TES: variants seen among roughly 807,000 people sequenced by gnomAD.
TES encodes testin LIM domain protein, also known as testin.
A neutral mutation model predicts 48.2 loss-of-function variants in TES; 41 were observed. The ratio of observed to expected loss-of-function variants is 0.85; its 90% CI spans 0.66 to 1.10. The LOEUF (loss-of-function observed/expected upper bound fraction) is 1.10. TES is among the 50% of genes least tolerant of loss of function. The pLI, the probability that TES is intolerant of heterozygous loss-of-function variation, is 0.00. For synonymous variants in TES, 162 were observed against 174.9 expected, an observed-to-expected ratio of 0.93 and a Z score of 0.58; for missense variants, 463 against 515.1, an observed-to-expected ratio of 0.90 and a Z score of 0.98.
chr7:116,213,122 C>T (rs1799458053), intron 1 of TES, among the ~76,000 whole-genome samples: 1 of 152,188 alleles, frequency 6.6e-6, no homozygotes, highest in Admixed American at 6.5e-5. Flanking sequence ...TAGCCATACT[C>T]TCAAAAAGAA....
chr7:116,215,575 C>T (rs532822001), intron 1 of TES, among the ~76,000 whole-genome samples: 8 of 152,162 alleles, frequency 5.3e-5, no homozygotes, highest in Non-Finnish European at 1.2e-4. Context: ...ATATTCTGTA[C>T]CTTATCTTCT....
chr7:116,235,469 G>A (rs1038226494), intron 2 of TES, among the ~76,000 whole-genome samples: 1 of 152,178 alleles, frequency 6.6e-6, no homozygotes, highest in South Asian at 2.1e-4. Flanking sequence ...ATTAATTGTA[G>A]TGTCTTGGTT....
At chr7:116,225,811 A>T (rs1470385157) in intron 1 of TES, among the ~76,000 whole-genome samples, 1 of 152,192 alleles carries the variant, frequency 6.6e-6, no homozygotes, top group Non-Finnish European at 1.5e-5. Flanking sequence ...ATTCCATTAC[A>T]TTCTATTTTT....
At chr7:116,253,756 G>A (rs1048381523) in intron 6 of TES, among the ~76,000 whole-genome samples, 4 of 151,924 alleles carry the variant, frequency 2.6e-5, no homozygotes, top group African/African-American at 9.7e-5. Context: ...ATTCAGTTTA[G>A]GTTTAACTTT....
Position 116,230,456 on chromosome 7 carries a change from G to A in TES, c.28-4078G>A, listed in dbSNP as rs115398962. On this transcript the variant is annotated intron_variant, in intron 1 of 6. Transcript: ENST00000358204. The stretch of plus-strand genomic sequence containing the variant: ...CAATACTTTCTGGGTTTTCCAGAGC[G>A]GCCTACAGAGCCAATTTCTCAAGTT... Among the ~76,000 whole-genome samples, 395 of 152,296 alleles carry A rather than the reference G, an allele frequency of 2.6e-3. 2 individuals are homozygous for A. The highest frequency in any genetic ancestry group is 9.0e-3 in the African/African-American group (374 of 41,574).
At chr7:116,252,060 C>G in intron 5 of TES, 85 bp downstream of exon 5, 1 of 1,361,088 alleles carries the variant, frequency 7.3e-7, no homozygotes, top group Non-Finnish European at 1.0e-6. Context: ...AAGACTTGAC[C>G]AAACAGCAGT....
Position 116,250,511 on chromosome 7 carries a change from C to A in TES, c.702+15C>A. On this transcript the variant is annotated intron_variant, in intron 4 of 6. Transcript: ENST00000358204. ...GAACTCAATATGTAAGTAGAGTGGTCACACTGTTAGCCTGATTTGTATACT... is the reference window on the plus strand; with the variant it reads ...GAACTCAATATGTAAGTAGAGTGGTAACACTGTTAGCCTGATTTGTATACT... 1 of 1,497,962 alleles carries A rather than the reference C, an allele frequency of 6.7e-7. No individual in the cohort carries two copies. Among genetic ancestry groups the A allele is most frequent in the South Asian group, 1.4e-5 (1 of 70,928 alleles). The allele number at this position is 1,497,962 out of a possible 1,614,324, so 92.8% of individuals were successfully genotyped here.
At position 116,250,443 on chromosome 7, in the gene TES, G is replaced by T. The variant is rs757346397; in HGVS notation, c.649G>T (p.Ala217Ser). ...NIPGGDRSTP[A>S]AVGAMEDKSA... ...TCCTGGAGGGGATAGAAGCACCCCA[G>T]CAGCAGTGGGGGCCATGGAGGACAA... The change falls in exon 4 of 7, where the codon GCA becomes TCA. Residue 217 changes from alanine (A) to serine (S), a missense_variant. Ala to Ser is a moderately conservative substitution (Grantham distance 99). Transcript: ENST00000358204. The T allele has an allele frequency of 1.9e-6, 3 of 1,597,554 alleles. No individual in the cohort carries two copies. The highest frequency in any genetic ancestry group is 2.7e-5 in the African/African-American group (2 of 74,530).
At chr7:116,229,947 A>C (rs1246443234) in intron 1 of TES, among the ~76,000 whole-genome samples, 1 of 152,176 alleles carries the variant, frequency 6.6e-6, no homozygotes, top group Non-Finnish European at 1.5e-5. Context: ...TCACCCAATA[A>C]TGTGGCATAA....
chr7:116,224,985 C>G (rs1023877547), intron 1 of TES, among the ~76,000 whole-genome samples: 1 of 151,980 alleles, frequency 6.6e-6, no homozygotes, highest in Non-Finnish European at 1.5e-5. Context: ...TTAATTTCTC[C>G]AAGTCTCAAT....
chr7:116,213,339 A>G (rs988535761), intron 1 of TES, among the ~76,000 whole-genome samples: 17 of 152,242 alleles, frequency 1.1e-4, no homozygotes, highest in Non-Finnish European at 1.5e-5. Flanking sequence ...AGATACAACC[A>G]TTTAAATACA....
chr7:116,224,297 A>C (rs182848990), intron 1 of TES, among the ~76,000 whole-genome samples: 19 of 152,318 alleles, frequency 1.2e-4, no homozygotes, highest in Non-Finnish European at 2.5e-4. Flanking sequence ...CGTATTTTCA[A>C]ACCCTAAGTT....
chr7:116,224,772 G>A (rs944603499), intron 1 of TES, among the ~76,000 whole-genome samples: 3 of 152,122 alleles, frequency 2.0e-5, no homozygotes, highest in Admixed American at 6.5e-5. Context: ...CAAACAATGA[G>A]CAGTCTTTAA....
rs532988619 is a variant in TES, at chr7:116,252,966, C to T, written c.1077+490C>T. Reference sequence around the variant, plus strand: ...ATTTAGCATAACAAAACTTGGCCTGCGTATTTAGATTTTTGTGTGGGCCAA... The same window carrying T: ...ATTTAGCATAACAAAACTTGGCCTGTGTATTTAGATTTTTGTGTGGGCCAA... On this transcript the variant is annotated intron_variant, in intron 6 of 6. Transcript: ENST00000358204. 1.2e-4 allele frequency among the ~76,000 whole-genome samples: 19 copies of T among 152,164 alleles called. No homozygotes were observed. In the South Asian group the frequency reaches 3.5e-3, roughly 28 times the overall value.
chr7:116,236,866 A>G (rs975215181), intron 2 of TES, among the ~76,000 whole-genome samples: 4 of 152,324 alleles, frequency 2.6e-5, no homozygotes, highest in Admixed American at 2.6e-4. Context: ...TCTAAGAGCC[A>G]TAATAGTCTA....
rs115406043 is a variant in TES at position 116,234,261 on chromosome 7, T to A, written c.28-273T>A. Among the ~76,000 whole-genome samples, 1,109 of 152,220 alleles carry A rather than the reference T, an allele frequency of 7.3e-3. 12 individuals carry two copies. Among genetic ancestry groups the A allele is most frequent in the African/African-American group, 0.025 (1,057 of 41,538 alleles). On this transcript the variant is annotated intron_variant, in intron 1 of 6. Coordinates refer to ENST00000358204, the MANE Select transcript of TES (RefSeq NM_015641.4). ...AGTAGTGGCCAAAGACATAAATTCA[T>A]GAGTTTTTGTTATTTGCAATATTTG...
intron 1 of TES, among the ~76,000 whole-genome samples, chr7:116,229,023 T>A (rs1799662087): frequency 7.3e-6 from 1 of 136,510 alleles, no homozygotes; most frequent in Non-Finnish European, 1.6e-5. Flanking sequence ...TATATATATA[T>A]ATATATATAT....
At chr7:116,252,505 C>T in intron 6 of TES, 29 bp downstream of exon 6, 1 of 1,614,096 alleles carries the variant, frequency 6.2e-7, no homozygotes, top group Non-Finnish European at 8.5e-7. Flanking sequence ...ATATGGTTGC[C>T]TCAGCCTGCT....
At chr7:116,233,645 T>G (rs1799729045) in intron 1 of TES, among the ~76,000 whole-genome samples, 1 of 152,222 alleles carries the variant, frequency 6.6e-6, no homozygotes, top group Non-Finnish European at 1.5e-5. Context: ...GAGATATAAG[T>G]AAAGTACTTA....
Sources: allele counts gnomAD v4.1 joint callset (sites outside exome capture counted in the v4.1 genomes callset), GRCh38; gene constraint gnomAD v4.1.1; transcripts MANE v1.5; gene names NCBI Gene and HGNC (gene_info 2026-07-23, HGNC 2026-07-21).